Variants in PVT1 observed in about 807,000 individuals in gnomAD.
The protein encoded by PVT1 is Pvt1 oncogene, also known as CXCR4/PVT1 fusion.
chr8:127,890,438 C>T (rs531730976), intron 2 of PVT1, among the ~76,000 whole-genome samples: 2 of 152,332 alleles, frequency 1.3e-5, no homozygotes, highest in Admixed American at 6.5e-5. Context: ...CCCTGGACAC[C>T]GGTCTCAACT....
chr8:128,005,029 A>G (rs1210081118), intron 4 of PVT1, among the ~76,000 whole-genome samples: 2 of 151,946 alleles, frequency 1.3e-5, no homozygotes, highest in Non-Finnish European at 2.9e-5. Context: ...AATCCCAGCT[A>G]CTCGGGAGGC....
chr8:127,838,636 T>A (rs1238524348), intron 2 of PVT1, among the ~76,000 whole-genome samples: 1 of 151,920 alleles, frequency 6.6e-6, no homozygotes, highest in Non-Finnish European at 1.5e-5. Context: ...ACTCGGGAGG[T>A]GGAAGTTTCA....
chr8:127,986,077 A>G (rs569917637), intron 3 of PVT1, among the ~76,000 whole-genome samples: 44 of 152,254 alleles, frequency 2.9e-4, no homozygotes, highest in African/African-American at 6.5e-4. Context: ...GACCTGCCTT[A>G]CATGTAGGAC....
At chr8:127,879,787 G>A (rs1224475997) in intron 2 of PVT1, among the ~76,000 whole-genome samples, 1 of 152,200 alleles carries the variant, frequency 6.6e-6, no homozygotes, top group Non-Finnish European at 1.5e-5. Context: ...TGGGCTTCTG[G>A]TCATGCCACC....
At chr8:128,057,173 T>G (rs981077262) in intron 4 of PVT1, among the ~76,000 whole-genome samples, 2 of 152,170 alleles carry the variant, frequency 1.3e-5, no homozygotes, top group African/African-American at 4.8e-5. Flanking sequence ...ACCTCATTGC[T>G]TTGTAACTTC....
intron 3 of PVT1, among the ~76,000 whole-genome samples, chr8:127,903,340 C>T (rs563254598): frequency 3.9e-5 from 6 of 152,178 alleles, no homozygotes; most frequent in Non-Finnish European, 8.8e-5. Context: ...GGAACTTTGT[C>T]AAATGCATAC....
At chr8:127,953,301 T>C (rs1267975171) in intron 3 of PVT1, among the ~76,000 whole-genome samples, 1 of 152,158 alleles carries the variant, frequency 6.6e-6, no homozygotes, top group African/African-American at 2.4e-5. Context: ...CAGGAATGCT[T>C]TTACTGGACT....
intron 2 of PVT1, among the ~76,000 whole-genome samples, chr8:127,849,187 C>T (rs1815075394): frequency 6.6e-6 from 1 of 152,116 alleles, no homozygotes; most frequent in Non-Finnish European, 1.5e-5. Flanking sequence ...GCAGATAATG[C>T]CGGCCTGGGG....
intron 3 of PVT1, among the ~76,000 whole-genome samples, chr8:127,921,264 G>A (rs1257169692): frequency 6.6e-6 from 1 of 152,076 alleles, no homozygotes; most frequent in African/African-American, 2.4e-5. Flanking sequence ...CAGAATCAGG[G>A]TTGTTAACCG....
rs199925288 is a variant in PVT1 at position 127,868,803 on chromosome 8, G to A, written n.373-21786G>A. ...TATATATATATATATACATATATAT[G>A]TACATATATATATATATGTATGTAT... On this transcript the variant is annotated intron_variant and non_coding_transcript_variant, in intron 2 of 10. Transcript: ENST00000651587. Among the ~76,000 whole-genome samples, 405 of 54,230 alleles carry A rather than the reference G, an allele frequency of 7.5e-3. 1 individual carries two copies. The highest frequency in any genetic ancestry group is 0.011 in the East Asian group (22 of 1,926). 35.6% of individuals were successfully genotyped at this position (54,230 alleles called of 152,430 possible).
chr8:127,901,601 A>G (rs1348190391), intron 3 of PVT1, among the ~76,000 whole-genome samples: 1 of 151,946 alleles, frequency 6.6e-6, no homozygotes, highest in African/African-American at 2.4e-5. Context: ...TTTTAGAGAG[A>G]CAGTCTTGAT....
At chr8:128,006,621 A>G (rs1817250436) in intron 4 of PVT1, among the ~76,000 whole-genome samples, 1 of 152,208 alleles carries the variant, frequency 6.6e-6, no homozygotes, top group South Asian at 2.1e-4. Flanking sequence ...TGAAACAGTT[A>G]TTACTACAGT....
chr8:127,808,729 G>T (rs10096975), intron 2 of PVT1, among the ~76,000 whole-genome samples: 2,404 of 152,128 alleles, frequency 0.016, 54 homozygotes, highest in African/African-American at 0.054. Flanking sequence ...TTATTTTGGA[G>T]ACAGAAAGGA....
chr8:127,919,496 T>C (rs775014120), intron 3 of PVT1, among the ~76,000 whole-genome samples: 1 of 152,210 alleles, frequency 6.6e-6, no homozygotes, highest in Non-Finnish European at 1.5e-5. Flanking sequence ...TGCAATGTTA[T>C]ATATTTTTTC....
chr8:127,959,651 C>T (rs1586456195), intron 3 of PVT1, among the ~76,000 whole-genome samples: 1 of 144,476 alleles, frequency 6.9e-6, no homozygotes, highest in African/African-American at 2.5e-5. Context: ...CTTATTGAAA[C>T]TCTTTAAGGA....
intron 2 of PVT1, among the ~76,000 whole-genome samples, chr8:127,838,595 C>T (rs1317684348): frequency 6.6e-6 from 1 of 152,148 alleles, no homozygotes; most frequent in African/African-American, 2.4e-5. Context: ...ATCCCAGCTA[C>T]TCAGGAAGCT....
intron 3 of PVT1, among the ~76,000 whole-genome samples, chr8:127,955,115 A>G (rs1272371950): frequency 6.6e-6 from 1 of 152,202 alleles, no homozygotes; most frequent in African/African-American, 2.4e-5. Flanking sequence ...TAATTAAGTT[A>G]GAATTAGGCT....
chr8:127,936,034 C>A (rs1312835151), intron 3 of PVT1, among the ~76,000 whole-genome samples: 1 of 101,252 alleles, frequency 9.9e-6, no homozygotes, highest in Non-Finnish European at 1.9e-5. Flanking sequence ...CTCTCTCTCT[C>A]TTTTTTTTTT....
intron 4 of PVT1, among the ~76,000 whole-genome samples, chr8:128,035,851 C>A (rs1295675068): frequency 6.6e-6 from 1 of 152,182 alleles, no homozygotes. Context: ...TGCTGGCAGC[C>A]TCTAGAAGTG....
Sources: allele counts gnomAD v4.1 joint callset (sites outside exome capture counted in the v4.1 genomes callset), GRCh38; gene constraint gnomAD v4.1.1; transcripts MANE v1.5; gene names NCBI Gene and HGNC (gene_info 2026-07-23, HGNC 2026-07-21).